Variants in EZHIP observed in about 807,000 individuals in gnomAD.
EZHIP encodes K27M-like inhibitor of PRC2.
For synonymous variants in EZHIP, 192 were observed against 86.5 expected (o/e 2.22, Z -6.77); for missense variants, 428 against 204.2 (o/e 2.10, Z -6.68).
Position 51,408,590 on chromosome X carries a change from G to A in EZHIP, c.*62G>A, listed in dbSNP as rs1199575867. The A allele has an allele frequency of 3.8e-6, 2 of 524,214 alleles. No individual in the cohort carries two copies. The highest frequency in any genetic ancestry group is 6.7e-5 in the East Asian group (2 of 29,813). 43.2% of individuals were successfully genotyped at this position (524,214 alleles called of 1,213,427 possible). A position where few individuals can be genotyped will look rare whatever the true frequency, so the allele number is the denominator to read the frequency against. ...TCAACATTTACCCACTTTGTGAATG[G>A]GCTGCCTGCCCTGTAGTTAGCTGCG... On this transcript the variant is annotated 3_prime_UTR_variant, in exon 1 of 1. Transcript: ENST00000342995.
In EZHIP at chrX:51,407,035, A is replaced by G. The variant is rs781882348; in HGVS notation, c.19A>G (p.Met7Val). 5.3e-6 allele frequency: 3 copies of G among 569,571 alleles called. No homozygotes were observed. Among genetic ancestry groups the G allele is most frequent in the South Asian group, 2.2e-5 (1 of 44,656 alleles). 46.9% of individuals were successfully genotyped at this position (569,571 alleles called of 1,213,427 possible). ...TGGCGTTATGGCCACTCAGTCAGAC[A>G]TGGAGAAGGAGCAGAAGCACCAGCA... The part of the protein sequence containing the change: MATQSD[M>V]EKEQKHQQDE... The change falls in exon 1 of 1, where the codon ATG (methionine) becomes GTG (valine). Residue 7 changes from methionine to valine, a missense_variant. By Grantham distance (21) the Met-to-Val change is conservative (BLOSUM62 1). Transcript: ENST00000342995.
Position 51,407,259 on chromosome X carries a change from T to A in EZHIP, c.243T>A (p.Asp81Glu), listed in dbSNP as rs782413802. 2.3e-5 allele frequency: 13 copies of A among 569,622 alleles called. No homozygotes were observed. The highest frequency in any genetic ancestry group is 3.2e-5 in the Non-Finnish European group (10 of 309,276). The allele number at this position is 569,622 out of a possible 1,213,427, so 46.9% of individuals were successfully genotyped here. A position where few individuals can be genotyped will look rare whatever the true frequency, so the allele number is the denominator to read the frequency against. ...AATSAAIFITDEASGLPIIAA... is the reference protein window; with the variant it reads ...AATSAAIFITEEASGLPIIAA... Reference sequence around the variant, plus strand: ...CCTCCGCCGCCATTTTCATCACCGATGAGGCCTCGGGGCTGCCAATCATAG... The same window carrying A: ...CCTCCGCCGCCATTTTCATCACCGAAGAGGCCTCGGGGCTGCCAATCATAG... Residue 81 changes from aspartate to glutamate, a missense_variant, in exon 1 of 1, where the codon GAT becomes GAA. Asp to Glu is a conservative substitution (Grantham distance 45). Transcript: ENST00000342995.
rs553854387 is a variant in EZHIP, at chrX:51,407,904, G to A, written c.888G>A (p.Ala296=). ...CTGCCCGCCGAGGCCGCGATTCTGC[G>A]CCAGTCTCTGCCCCCCGAGGCCGCG... ...PGPARRGRDS[A]PVSAPRGRDS... Residue 296 remains alanine (A), a synonymous_variant, in exon 1 of 1, where the codon GCG becomes GCA. Coordinates refer to ENST00000342995, the MANE Select transcript of EZHIP (RefSeq NM_203407.3). 3.6e-6 allele frequency: 2 copies of A among 557,258 alleles called. No individual in the cohort carries two copies. The highest frequency in any genetic ancestry group is 3.3e-6 in the Non-Finnish European group (1 of 306,081). 45.9% of individuals were successfully genotyped at this position (557,258 alleles called of 1,213,427 possible). A position where few individuals can be genotyped will look rare whatever the true frequency, so the allele number is the denominator to read the frequency against.
rs146577002 is a variant in EZHIP, at chrX:51,408,375, T to G, written c.1359T>G (p.Pro453=). Residue 453 remains proline, a synonymous_variant, in exon 1 of 1, where the codon CCT becomes CCG. Transcript: ENST00000342995. ...GCCTAAGCCCCTCATCCCCTTCCCC[T>G]GAGTTTTTGGGCCTGAGATCTATCT... ...SPGLSPSSPS[P]EFLGLRSIST... 3.5e-6 allele frequency: 2 copies of G among 569,256 alleles called. No homozygotes were observed. The highest frequency in any genetic ancestry group is 4.5e-5 in the African/African-American group (2 of 44,702). 46.9% of individuals were successfully genotyped at this position (569,256 alleles called of 1,213,427 possible). A position where few individuals can be genotyped will look rare whatever the true frequency, so the allele number is the denominator to read the frequency against.
Position 51,408,049 on chromosome X carries a change from C to T in EZHIP, c.1033C>T (p.Leu345Phe). Reference sequence around the variant, plus strand: ...CACCAGCACGACGCCAGGCACTGGCCTCCGGAGCCGTTCCACCCAGCAAAG... The same window carrying T: ...CACCAGCACGACGCCAGGCACTGGCTTCCGGAGCCGTTCCACCCAGCAAAG... ...RSTSTTPGTG[L>F]RSRSTQQRSA... Residue 345 changes from leucine to phenylalanine, a missense_variant, in exon 1 of 1, where the codon CTC (leucine) becomes TTC (phenylalanine). Leu to Phe is a conservative substitution (Grantham distance 22, BLOSUM62 0). Coordinates refer to ENST00000342995, the MANE Select transcript of EZHIP (RefSeq NM_203407.3). 1 of 571,078 alleles carries T rather than the reference C, an allele frequency of 1.8e-6. No homozygotes were observed. The allele number at this position is 571,078 out of a possible 1,213,427, so 47.1% of individuals were successfully genotyped here. A position where few individuals can be genotyped will look rare whatever the true frequency, so the allele number is the denominator to read the frequency against.
In EZHIP at chrX:51,406,982, C is replaced by T. The variant is rs376574554; in HGVS notation, c.-35C>T. ...CGCTCTCCTCCGGCAGAAGTAGCAG[C>T]TGCGCTCTTGCTCTCTGGGGGAGAA... On this transcript the variant is annotated 5_prime_UTR_variant, in exon 1 of 1. Transcript: ENST00000342995. 128 of 546,504 alleles carry T rather than the reference C, an allele frequency of 2.3e-4. No individual in the cohort carries two copies. Among genetic ancestry groups the T allele is most frequent in the African/African-American group, 1.6e-3 (72 of 44,591 alleles). The allele number at this position is 546,504 out of a possible 1,213,427, so 45.0% of individuals were successfully genotyped here. A position where few individuals can be genotyped will look rare whatever the true frequency, so the allele number is the denominator to read the frequency against.
At position 51,407,646 on chromosome X, in the gene EZHIP, G is replaced by A. The variant is rs1557318759; in HGVS notation, c.630G>A (p.Arg210=). ...PALLSHASEA[R]PATRSRITLV... is the part of the protein sequence containing the mutation. ...TCCTAAGCCACGCATCTGAGGCAAG[G>A]CCTGCTACCCGAAGCCGCATCACCC... The change falls in exon 1 of 1, where the codon AGG becomes AGA. Residue 210 remains arginine, a synonymous_variant. Coordinates refer to ENST00000342995, the MANE Select transcript of EZHIP (RefSeq NM_203407.3). The A allele has an allele frequency of 1.1e-5, 6 of 561,654 alleles. No homozygotes were observed. The highest frequency in any genetic ancestry group is 2.0e-5 in the Non-Finnish European group (6 of 305,547). 46.3% of individuals were successfully genotyped at this position (561,654 alleles called of 1,213,427 possible).
In EZHIP at chrX:51,408,748, T is replaced by C. The variant is rs1924153621; in HGVS notation, c.*220T>C. 2.6e-6 allele frequency: 1 copy of C among 382,333 alleles called. No individual in the cohort carries two copies. Among genetic ancestry groups the C allele is most frequent in the Admixed American group, 4.5e-5 (1 of 22,109 alleles). The allele number at this position is 382,333 out of a possible 1,213,427, so 31.5% of individuals were successfully genotyped here. A position where few individuals can be genotyped will look rare whatever the true frequency, so the allele number is the denominator to read the frequency against. On this transcript the variant is annotated 3_prime_UTR_variant, in exon 1 of 1. Coordinates refer to ENST00000342995, the MANE Select transcript of EZHIP (RefSeq NM_203407.3). ...TGGGCCACCTTCTTCCTCAAGAGTT[T>C]GCCTTTGCCCTTGAGCTGAGATTTC...
In EZHIP at chrX:51,407,513, G is replaced by C; in HGVS notation, c.497G>C (p.Arg166Pro). 3.7e-6 allele frequency: 2 copies of C among 546,585 alleles called. No homozygotes were observed. Among genetic ancestry groups the C allele is most frequent in the East Asian group, 6.9e-5 (2 of 29,114 alleles). The allele number at this position is 546,585 out of a possible 1,213,427, so 45.0% of individuals were successfully genotyped here. The change falls in exon 1 of 1, where the codon CGT becomes CCT. Residue 166 changes from arginine (R) to proline (P), a missense_variant. Arg to Pro is a moderately radical substitution (Grantham distance 103). Coordinates refer to ENST00000342995, the MANE Select transcript of EZHIP (RefSeq NM_203407.3). The part of the protein sequence containing the change: ...AAPAQKPPGR[R>P]LFPEPLPPSS... ...CCGGCTCAGAAGCCTCCAGGGCGGC[G>C]TCTGTTTCCTGAGCCTTTGCCGCCA...
In EZHIP at chrX:51,408,333, C is replaced by G. The variant is rs782685524; in HGVS notation, c.1317C>G (p.Ser439=). ...SSSSYASNSS[S]PSRSPGLSPS... is the part of the protein sequence containing the mutation. ...CCTCCTATGCTTCCAACTCCTCCTC[C>G]CCGAGTAGGTCTCCTGGCCTAAGCC... Residue 439 remains serine, a synonymous_variant, in exon 1 of 1, where the codon TCC becomes TCG. Transcript: ENST00000342995. 3.3e-5 allele frequency: 19 copies of G among 569,365 alleles called. No individual in the cohort carries two copies. In the South Asian group the frequency reaches 3.6e-4, roughly 11 times the overall value. 46.9% of individuals were successfully genotyped at this position (569,365 alleles called of 1,213,427 possible). A position where few individuals can be genotyped will look rare whatever the true frequency, so the allele number is the denominator to read the frequency against.
chrX:51,407,186 G>T lies in EZHIP; in HGVS notation c.170G>T (p.Gly57Val), dbSNP rs782031749. 13 of 568,989 alleles carry T rather than the reference G, an allele frequency of 2.3e-5. No homozygotes were observed. In the East Asian group the frequency reaches 4.2e-4, roughly 19 times the overall value. 46.9% of individuals were successfully genotyped at this position (568,989 alleles called of 1,213,427 possible). A position where few individuals can be genotyped will look rare whatever the true frequency, so the allele number is the denominator to read the frequency against. Residue 57 changes from glycine (G) to valine (V), a missense_variant, in exon 1 of 1, where the codon GGC becomes GTC. Gly to Val is a moderately radical substitution (Grantham distance 109). Transcript: ENST00000342995. The part of the protein sequence containing the change: ...TVSSQASPSG[G>V]AALSSSTAGS... ...TCCAGCCAAGCATCTCCCTCGGGCG[G>T]CGCCGCCCTAAGCAGCAGCACAGCC...
chrX:51,407,219 C>T lies in EZHIP; in HGVS notation c.203C>T (p.Ser68Phe). The T allele has an allele frequency of 3.5e-6, 2 of 570,038 alleles. No homozygotes were observed. Among genetic ancestry groups the T allele is most frequent in the South Asian group, 4.5e-5 (2 of 44,771 alleles). The allele number at this position is 570,038 out of a possible 1,213,427, so 47.0% of individuals were successfully genotyped here. A position where few individuals can be genotyped will look rare whatever the true frequency, so the allele number is the denominator to read the frequency against. Residue 68 changes from serine (S) to phenylalanine (F), a missense_variant, in exon 1 of 1, where the codon TCC becomes TTC. Ser to Phe is a radical substitution (Grantham distance 155). Transcript: ENST00000342995. ...AALSSSTAGS[S>F]AAAATSAAIF... ...CTAAGCAGCAGCACAGCCGGTTCTT[C>T]CGCTGCAGCCGCCACCTCCGCCGCC... is the stretch of plus-strand genomic sequence containing the variant.
Position 51,407,088 on chromosome X carries a change from C to T in EZHIP, c.72C>T (p.Asn24=), listed in dbSNP as rs1557318573. 5.3e-6 allele frequency: 3 copies of T among 568,889 alleles called. No individual in the cohort carries two copies. In the African/African-American group the frequency reaches 6.7e-5, roughly 13 times the overall value. The allele number at this position is 568,889 out of a possible 1,213,427, so 46.9% of individuals were successfully genotyped here. ...ACGAGGGGCAGGGAGGGCTGAACAA[C>T]GAAACCGCCCTTGCCTCCGGGGATG... ...QQDEGQGGLN[N]ETALASGDAC... Residue 24 remains asparagine (N), a synonymous_variant, in exon 1 of 1, where the codon AAC becomes AAT. Transcript: ENST00000342995.
At position 51,407,885 on chromosome X, in the gene EZHIP, G is replaced by A. The variant is rs1158182666; in HGVS notation, c.869G>A (p.Arg290His). 2 of 555,497 alleles carry A rather than the reference G, an allele frequency of 3.6e-6. No individual in the cohort carries two copies. The highest frequency in any genetic ancestry group is 2.3e-5 in the South Asian group (1 of 43,895). 45.8% of individuals were successfully genotyped at this position (555,497 alleles called of 1,213,427 possible). A position where few individuals can be genotyped will look rare whatever the true frequency, so the allele number is the denominator to read the frequency against. Residue 290 changes from arginine to histidine, a missense_variant, in exon 1 of 1, where the codon CGC becomes CAC. Physicochemically the swap from Arg to His is conservative, Grantham distance 29 (BLOSUM62 0). Coordinates refer to ENST00000342995, the MANE Select transcript of EZHIP (RefSeq NM_203407.3). ...TGCGATTCTGCGCCAGGCCCTGCCC[G>A]CCGAGGCCGCGATTCTGCGCCAGTC... ...RGCDSAPGPA[R>H]RGRDSAPVSA...
Position 51,407,509 on chromosome X carries a change from C to T in EZHIP, c.493C>T (p.Arg165Trp), listed in dbSNP as rs1924099093. ...TGCCCCGGCTCAGAAGCCTCCAGGG[C>T]GGCGTCTGTTTCCTGAGCCTTTGCC... The part of the protein sequence containing the change: ...QAAPAQKPPG[R>W]RLFPEPLPPS... Residue 165 changes from arginine (R) to tryptophan (W), a missense_variant, in exon 1 of 1, where the codon CGG becomes TGG. Transcript: ENST00000342995. 1 of 543,897 alleles carries T rather than the reference C, an allele frequency of 1.8e-6. No individual in the cohort carries two copies. Among genetic ancestry groups the T allele is most frequent in the Non-Finnish European group, 3.4e-6 (1 of 295,535 alleles). The allele number at this position is 543,897 out of a possible 1,213,427, so 44.8% of individuals were successfully genotyped here.
At position 51,407,872 on chromosome X, in the gene EZHIP, C is replaced by G. The variant is rs781918120; in HGVS notation, c.856C>G (p.Pro286Ala). The G allele has an allele frequency of 9.0e-6, 5 of 558,411 alleles. No homozygotes were observed. Among genetic ancestry groups the G allele is most frequent in the Non-Finnish European group, 1.3e-5 (4 of 305,360 alleles). The allele number at this position is 558,411 out of a possible 1,213,427, so 46.0% of individuals were successfully genotyped here. ...GPARRGCDSA[P>A]GPARRGRDSA... ...TGCCCGCCGAGGCTGCGATTCTGCG[C>G]CAGGCCCTGCCCGCCGAGGCCGCGA... Residue 286 changes from proline (P) to alanine (A), a missense_variant, in exon 1 of 1, where the codon CCA (proline) becomes GCA (alanine). By Grantham distance (27) the Pro-to-Ala change is conservative. Coordinates refer to ENST00000342995, the MANE Select transcript of EZHIP (RefSeq NM_203407.3).
Position 51,406,956 on chromosome X carries a change from G to T in EZHIP, c.-61G>T. The T allele has an allele frequency of 1.9e-6, 1 of 521,906 alleles. No homozygotes were observed. Among genetic ancestry groups the T allele is most frequent in the Non-Finnish European group, 3.5e-6 (1 of 282,576 alleles). The allele number at this position is 521,906 out of a possible 1,213,427, so 43.0% of individuals were successfully genotyped here. A position where few individuals can be genotyped will look rare whatever the true frequency, so the allele number is the denominator to read the frequency against. On this transcript the variant is annotated 5_prime_UTR_variant, in exon 1 of 1. Transcript: ENST00000342995. ...ACCCACCTTCTTGCTCTACCAGTTC[G>T]CGCTCTCCTCCGGCAGAAGTAGCAG...
chrX:51,406,996 T>G lies in EZHIP; in HGVS notation c.-21T>G. 1 of 559,802 alleles carries G rather than the reference T, an allele frequency of 1.8e-6. No homozygotes were observed. Among genetic ancestry groups the G allele is most frequent in the Non-Finnish European group, 3.3e-6 (1 of 302,905 alleles). 46.1% of individuals were successfully genotyped at this position (559,802 alleles called of 1,213,427 possible). On this transcript the variant is annotated 5_prime_UTR_variant, in exon 1 of 1. Coordinates refer to ENST00000342995, the MANE Select transcript of EZHIP (RefSeq NM_203407.3). ...AGAAGTAGCAGCTGCGCTCTTGCTC[T>G]CTGGGGGAGAACCTGGCGTTATGGC...
Position 51,407,933 on chromosome X carries a change from C to T in EZHIP, c.917C>T (p.Ser306Phe). Residue 306 changes from serine (S) to phenylalanine (F), a missense_variant, in exon 1 of 1, where the codon TCT becomes TTT. Transcript: ENST00000342995. ...GTCTCTGCCCCCCGAGGCCGCGATT[C>T]TGCGCCAGGCTCTGCCCGCCGAGGC... is the stretch of plus-strand genomic sequence containing the variant. ...APVSAPRGRD[S>F]APGSARRGRD... 1.8e-6 allele frequency: 1 copy of T among 559,957 alleles called. No individual in the cohort carries two copies. The highest frequency in any genetic ancestry group is 3.3e-6 in the Non-Finnish European group (1 of 306,721). The allele number at this position is 559,957 out of a possible 1,213,427, so 46.1% of individuals were successfully genotyped here.
Sources: gnomAD v4.1 joint callset for allele counts on GRCh38, gnomAD v4.1.1 for gene constraint, MANE v1.5 for transcripts, NCBI Gene and HGNC (gene_info 2026-07-23, HGNC 2026-07-21) for gene names.